ME2: variants seen among roughly 807,000 people sequenced by gnomAD.
The protein encoded by ME2 is malic enzyme 2.
ME2 carries 60 observed loss-of-function variants against 73.7 expected under a neutral mutation model. The ratio of observed to expected loss-of-function variants is 0.81; its 90% CI spans 0.66 to 1.01. The LOEUF (loss-of-function observed/expected upper bound fraction) is 1.01. ME2 is among the 50% of genes least tolerant of loss of function. ME2 has a pLI of 0.00. For missense variants in ME2, 594 were observed against 705.5 expected (o/e 0.84, Z 1.79); for synonymous variants, 199 against 236.9 (o/e 0.84, Z 1.47).
intron 12 of ME2, among the ~76,000 whole-genome samples, chr18:50,927,721 C>CACATATATATATATAT (rs1555678358): frequency 1.2e-5 from 1 of 85,434 alleles, no homozygotes; most frequent in Non-Finnish European, 2.1e-5. Flanking sequence ...CCCAAAAAAC[C>CACATATATATATATAT]ATATATATAT....
intron 13 of ME2, chr18:50,934,244 T>C (rs1471252753): frequency 2.6e-5 from 4 of 152,232 alleles, no homozygotes; most frequent in African/African-American, 9.6e-5. Flanking sequence ...AGCAAAACCA[T>C]ATTTTATATC....
intron 4 of ME2, among the ~76,000 whole-genome samples, chr18:50,914,836 G>A (rs983347645): frequency 1.3e-5 from 2 of 152,056 alleles, no homozygotes; most frequent in African/African-American, 2.4e-5. Flanking sequence ...TAGAACCTGC[G>A]TTTCTTCTTT....
At position 50,952,012 on chromosome 18, in the gene ME2, A is replaced by G. The variant is rs1174876665; in HGVS notation, c.*4828A>G. On this transcript the variant is annotated 3_prime_UTR_variant, in exon 16 of 16. Coordinates refer to ENST00000321341, the MANE Select transcript of ME2 (RefSeq NM_002396.5). ...TAGCTCTTTACTGGGCTTCCATTTA[A>G]AGGGAAGTCCTAAGAATGAAATGGC... The G allele has an allele frequency of 1.3e-5, 2 of 152,144 alleles. No individual in the cohort carries two copies. The highest frequency in any genetic ancestry group is 1.3e-4 in the Admixed American group (2 of 15,260). 9.4% of individuals were successfully genotyped at this position (152,144 alleles called of 1,614,324 possible).
At chr18:50,942,258 C>T (rs1190373488) in intron 15 of ME2, among the ~76,000 whole-genome samples, 3 of 152,034 alleles carry the variant, frequency 2.0e-5, no homozygotes, top group Non-Finnish European at 2.9e-5. Context: ...TTAATGCGTC[C>T]GTTGTTTACA....
At chr18:50,932,638 T>G (rs1288265840) in intron 13 of ME2, 1 of 232,846 alleles carries the variant, frequency 4.3e-6, no homozygotes, top group Non-Finnish European at 8.3e-6. Flanking sequence ...TATGTAACCC[T>G]TTCTATCTCC....
intron 2 of ME2, among the ~76,000 whole-genome samples, chr18:50,899,530 T>G (rs1427643457): frequency 6.6e-6 from 1 of 152,106 alleles, no homozygotes; most frequent in East Asian, 1.9e-4. Context: ...GGTGGGAGGA[T>G]CACTTGAGCC....
Position 50,884,438 on chromosome 18 carries a change from C to T in ME2, c.-13+5130C>T, listed in dbSNP as rs556427157. On this transcript the variant is annotated intron_variant, in intron 1 of 15. Coordinates refer to ENST00000321341, the MANE Select transcript of ME2 (RefSeq NM_002396.5). Reference sequence around the variant, plus strand: ...TCTCAGCTCACTGCAACCTCTGCCTCCTGAGTTCAAGCAATTCTCCTGCTT... The same window carrying T: ...TCTCAGCTCACTGCAACCTCTGCCTTCTGAGTTCAAGCAATTCTCCTGCTT... Among the ~76,000 whole-genome samples, 67 of 152,266 alleles carry T rather than the reference C, an allele frequency of 4.4e-4. 1 individual carries two copies. In the South Asian group the frequency reaches 0.013, roughly 29 times the overall value.
chr18:50,916,864 AT>A (rs1917296303), intron 5 of ME2: 1 of 152,426 alleles, frequency 6.6e-6, no homozygotes, highest in Admixed American at 6.5e-5. Flanking sequence ...TGGTCAAATA[AT>A]TAAACTCACA....
intron 1 of ME2, among the ~76,000 whole-genome samples, chr18:50,880,605 C>T (rs994288963): frequency 1.3e-5 from 2 of 152,208 alleles, no homozygotes; most frequent in African/African-American, 4.8e-5. Context: ...TTAATAGAGA[C>T]GGGGGCTTCG....
intron 1 of ME2, among the ~76,000 whole-genome samples, chr18:50,887,390 A>G (rs116436870): frequency 5.1e-4 from 78 of 152,340 alleles, no homozygotes; most frequent in African/African-American, 1.8e-3. Flanking sequence ...AACACAGTAC[A>G]TGAATACTAC....
chr18:50,884,016 T>A (rs770582863), intron 1 of ME2, among the ~76,000 whole-genome samples: 23 of 152,196 alleles, frequency 1.5e-4, no homozygotes, highest in Non-Finnish European at 2.6e-4. Context: ...GTTAGGTGTG[T>A]GTTTTCCTCG....
At chr18:50,899,146 G>A (rs1054436140) in intron 2 of ME2, among the ~76,000 whole-genome samples, 2 of 152,218 alleles carry the variant, frequency 1.3e-5, no homozygotes, top group Non-Finnish European at 2.9e-5. Flanking sequence ...AACTGCGCAT[G>A]CAAGGGATCT....
At chr18:50,930,091 CTG>C (rs1170728859) in intron 12 of ME2, among the ~76,000 whole-genome samples, 1 of 152,006 alleles carries the variant, frequency 6.6e-6, no homozygotes, top group Non-Finnish European at 1.5e-5. Context: ...GAAACCCTGT[CTG>C]TATAAAAAAT....
chr18:50,924,172 T>G lies in ME2; in HGVS notation c.1131T>G (p.Phe377Leu). The G allele has an allele frequency of 6.2e-7, 1 of 1,613,358 alleles. No homozygotes were observed. Among genetic ancestry groups the G allele is most frequent in the Non-Finnish European group, 8.5e-7 (1 of 1,179,626 alleles). ...HSAPESIPDT[F>L]EDAVNILKPS... ...CCCCAGAGAGCATACCTGATACTTTTGAAGATGCAGTGAATATACTGAAGC... is the reference window on the plus strand; with the variant it reads ...CCCCAGAGAGCATACCTGATACTTTGGAAGATGCAGTGAATATACTGAAGC... Residue 377 changes from phenylalanine to leucine, a missense_variant, in exon 11 of 16, where the codon TTT becomes TTG. Phe to Leu is a conservative substitution (Grantham distance 22). Coordinates refer to ENST00000321341, the MANE Select transcript of ME2 (RefSeq NM_002396.5).
At chr18:50,880,136 C>G (rs1916278615) in intron 1 of ME2, among the ~76,000 whole-genome samples, 2 of 152,136 alleles carry the variant, frequency 1.3e-5, no homozygotes, top group African/African-American at 4.8e-5. Context: ...ATAACGATAA[C>G]AATAGTAGCA....
At chr18:50,890,648 A>T (rs1916586984) in intron 1 of ME2, among the ~76,000 whole-genome samples, 1 of 152,098 alleles carries the variant, frequency 6.6e-6, no homozygotes, top group African/African-American at 2.4e-5. Context: ...TCCTTTTTTC[A>T]ACAAAAAACA....
intron 1 of ME2, among the ~76,000 whole-genome samples, chr18:50,893,124 C>G (rs1245551223): frequency 1.3e-5 from 1 of 78,122 alleles, no homozygotes; most frequent in Non-Finnish European, 2.4e-5. Flanking sequence ...GACTCTATCT[C>G]AAAAAAAAAA....
chr18:50,908,910 G>A (rs1917081105), intron 3 of ME2, among the ~76,000 whole-genome samples: 1 of 151,632 alleles, frequency 6.6e-6, no homozygotes, highest in East Asian at 1.9e-4. Context: ...CAAAGTGCTG[G>A]GATTATAGGC....
intron 1 of ME2, among the ~76,000 whole-genome samples, chr18:50,890,671 T>G (rs974345932): frequency 1.3e-5 from 2 of 152,234 alleles, no homozygotes; most frequent in African/African-American, 4.8e-5. Flanking sequence ...TCTTTTGTCT[T>G]TCTTATAACC....
Sources: allele counts gnomAD v4.1 joint callset (sites outside exome capture counted in the v4.1 genomes callset), GRCh38; gene constraint gnomAD v4.1.1; transcripts MANE v1.5; gene names NCBI Gene and HGNC (gene_info 2026-07-23, HGNC 2026-07-21).